The following SCAI variants were observed in gnomAD, a reference collection of about 807,000 sequenced individuals.
SCAI encodes the protein suppressor of cancer cell invasion.
Under a neutral mutation model 92.2 loss-of-function variants are expected in SCAI, and 24 were observed. That is an observed-to-expected ratio of 0.26 (90% CI 0.19 to 0.37). The LOEUF (loss-of-function observed/expected upper bound fraction) is 0.37, where lower values mean the gene tolerates loss of function less well. Among genes scored for constraint, SCAI ranks in the 10% least tolerant of loss-of-function variants. The pLI is 1.00. For synonymous variants in SCAI, 261 were observed against 258.6 expected (o/e 1.01, Z -0.09); for missense variants, 450 against 736.2 (o/e 0.61, Z 4.50).
intron 2 of SCAI, among the ~76,000 whole-genome samples, chr9:125,114,768 CTTTTTTTTT>C (rs10541713): frequency 1.2e-5 from 1 of 81,678 alleles, no homozygotes. Context: ...CCACACCCGG[CTTTTTTTTT>C]TTTTTTTTTT....
chr9:124,981,129 A>T (rs971726545), intron 14 of SCAI, among the ~76,000 whole-genome samples: 1 of 152,336 alleles, frequency 6.6e-6, no homozygotes, highest in East Asian at 1.9e-4. Context: ...GAAAAATTAT[A>T]GCAAATATAT....
chr9:125,050,078 G>GA (rs201408620), intron 3 of SCAI, among the ~76,000 whole-genome samples: 1,880 of 138,600 alleles, frequency 0.014, 91 homozygotes, highest in Admixed American at 0.088. Flanking sequence ...TGGAAAAGGA[G>GA]AAAAAAAAAA....
rs75664525 is a variant in SCAI at position 125,071,303 on chromosome 9, G to T, written c.99-15296C>A. Among the ~76,000 whole-genome samples, 2,797 of 152,288 alleles carry T rather than the reference G, an allele frequency of 0.018. 160 individuals carry two copies. In the East Asian group the frequency reaches 0.23, roughly 12 times the overall value. ...AGTTCTAGCTATTAGGATGGCTGAG[G>T]TGGAAGGATCACTTGAGCCCAGGAG... On this transcript the variant is annotated intron_variant, in intron 2 of 17. Transcript: ENST00000336505.
chr9:125,111,802 G>T (rs80207727), intron 2 of SCAI, among the ~76,000 whole-genome samples: 1 of 152,086 alleles, frequency 6.6e-6, no homozygotes. Flanking sequence ...AGGATGTAGC[G>T]CAGGGAAGAG....
At chr9:125,137,508 A>G (rs528306026) in intron 2 of SCAI, among the ~76,000 whole-genome samples, 1 of 152,346 alleles carries the variant, frequency 6.6e-6, no homozygotes, top group Non-Finnish European at 1.5e-5. Flanking sequence ...AAGCCAAACC[A>G]TCAGAGAGCC....
chr9:124,955,875 A>T (rs1831308638), intron 17 of SCAI, among the ~76,000 whole-genome samples: 1 of 152,218 alleles, frequency 6.6e-6, no homozygotes, highest in African/African-American at 2.4e-5. Flanking sequence ...TTGACTAAGA[A>T]GTAACAGAAT....
At chr9:125,116,773 ATC>A (rs972835004) in intron 2 of SCAI, among the ~76,000 whole-genome samples, 3 of 152,140 alleles carry the variant, frequency 2.0e-5, no homozygotes, top group Non-Finnish European at 4.4e-5. Context: ...CTTTAAAAAT[ATC>A]TGTTGAAAAA....
chr9:124,972,434 G>A (rs1028860107), intron 15 of SCAI, among the ~76,000 whole-genome samples: 1 of 152,052 alleles, frequency 6.6e-6, no homozygotes. Flanking sequence ...GTAAAATACT[G>A]GACACTAAAA....
intron 2 of SCAI, among the ~76,000 whole-genome samples, chr9:125,117,038 T>C (rs1035924149): frequency 1.3e-5 from 2 of 152,222 alleles, no homozygotes; most frequent in African/African-American, 4.8e-5. Context: ...GCAGGAATTC[T>C]ATGCTGACTG....
chr9:125,075,124 T>C (rs1334419839), intron 2 of SCAI, among the ~76,000 whole-genome samples: 2 of 152,038 alleles, frequency 1.3e-5, no homozygotes, highest in African/African-American at 4.8e-5. Context: ...ATACACAAAA[T>C]GAAAGAAAGC....
chr9:125,034,642 A>C (rs1183043552), intron 3 of SCAI, among the ~76,000 whole-genome samples: 4 of 152,198 alleles, frequency 2.6e-5, no homozygotes, highest in African/African-American at 9.6e-5. Flanking sequence ...CCAGCTATTC[A>C]GGAGGCTGAG....
chr9:125,135,740 C>T (rs939624065), intron 2 of SCAI, among the ~76,000 whole-genome samples: 3 of 152,050 alleles, frequency 2.0e-5, no homozygotes, highest in Admixed American at 6.5e-5. Context: ...GAGGCCAAGG[C>T]GGACGGATCA....
chr9:125,080,898 G>A (rs991282854), intron 2 of SCAI, among the ~76,000 whole-genome samples: 3 of 152,116 alleles, frequency 2.0e-5, no homozygotes, highest in African/African-American at 4.8e-5. Flanking sequence ...TGAATCACGG[G>A]GACAAGTCAT....
intron 2 of SCAI, among the ~76,000 whole-genome samples, chr9:125,073,295 G>A (rs1469939351): frequency 6.0e-5 from 9 of 150,168 alleles, no homozygotes; most frequent in Admixed American, 4.0e-4. Flanking sequence ...TAGTAGAGAC[G>A]GGGTTTCACC....
At chr9:125,063,018 CAAA>C (rs71374223) in intron 2 of SCAI, among the ~76,000 whole-genome samples, 3 of 85,632 alleles carry the variant, frequency 3.5e-5, no homozygotes, top group Admixed American at 1.4e-4. Context: ...GACTCCGTCT[CAAA>C]AAAAAAAAAA....
chr9:125,108,226 G>C (rs957442579), intron 2 of SCAI, among the ~76,000 whole-genome samples: 1 of 147,424 alleles, frequency 6.8e-6, no homozygotes, highest in Admixed American at 6.8e-5. Context: ...CCAAAGTGCC[G>C]AGATTGCAGC....
At chr9:125,137,249 G>T (rs573525990) in intron 2 of SCAI, among the ~76,000 whole-genome samples, 57 of 152,258 alleles carry the variant, frequency 3.7e-4, no homozygotes, top group African/African-American at 1.2e-3. Context: ...TCAAAATGCT[G>T]ACATGATCAG....
intron 3 of SCAI, among the ~76,000 whole-genome samples, chr9:125,053,811 A>G (rs116966140): frequency 0.01 from 1,562 of 152,290 alleles, 11 homozygotes; most frequent in Middle Eastern, 0.017. Context: ...ATTTTATTGT[A>G]TATAAATATA....
Position 124,946,764 on chromosome 9 carries a change from T to C in SCAI, c.*6043A>G, listed in dbSNP as rs1388577483. The C allele has an allele frequency of 2.0e-5, 3 of 152,192 alleles. No individual in the cohort carries two copies. The highest frequency in any genetic ancestry group is 4.4e-5 in the Non-Finnish European group (3 of 68,028). The allele number at this position is 152,192 out of a possible 1,614,324, so 9.4% of individuals were successfully genotyped here. A position where few individuals can be genotyped will look rare whatever the true frequency, so the allele number is the denominator to read the frequency against. On this transcript the variant is annotated 3_prime_UTR_variant, in exon 18 of 18. Coordinates refer to ENST00000336505, the MANE Select transcript of SCAI (RefSeq NM_001144877.3). The surrounding 1 kb of genome is among the most constrained non-coding windows in gnomAD (Gnocchi z 4.0). The stretch of plus-strand genomic sequence containing the variant: ...ATGCATCTAATATTAAAAACTCTAC[T>C]TCATGTGCGAATATATCATCAACTT...
Sources: gnomAD v4.1 joint callset for allele counts (sites outside exome capture counted in the v4.1 genomes callset) on GRCh38, gnomAD v4.1.1 for gene constraint, Gnocchi (gnomAD v3.1) non-coding constraint, MANE v1.5 for transcripts, NCBI Gene and HGNC (gene_info 2026-07-23, HGNC 2026-07-21) for gene names.